KATNB1: variants seen among roughly 807,000 people sequenced by gnomAD.
The protein encoded by KATNB1 is katanin p80 WD40 repeat-containing subunit B1.
In KATNB1, 38 loss-of-function variants were observed where a neutral mutation model predicts 82.3. That is an observed-to-expected ratio of 0.46 (90% CI 0.36 to 0.61). KATNB1 has a LOEUF of 0.61. KATNB1 is among the 20% of genes least tolerant of loss of function. The pLI is 0.00. For synonymous variants in KATNB1, 361 were observed against 368.7 expected, an observed-to-expected ratio of 0.98 and a Z score of 0.24; for missense variants, 749 against 915.7, an observed-to-expected ratio of 0.82 and a Z score of 2.35.
intron 2 of KATNB1, among the ~76,000 whole-genome samples, chr16:57,739,777 T>C (rs2049128963): frequency 6.6e-6 from 1 of 152,198 alleles, no homozygotes; most frequent in East Asian, 1.9e-4. Context: ...GCCAGCTCAG[T>C]GTCCCGCCCC....
rs1555580705 is a variant in KATNB1, at chr16:57,744,454, A to G, written c.232A>G (p.Ile78Val). The part of the protein sequence containing the change: ...SVRLNTPEEL[I>V]VAGSQSGSIR... ...CCGCCTCAACACCCCCGAGGAGCTC[A>G]TCGTGGCCGGCTCTCAGTCGGGCTC... The change falls in exon 4 of 20, where the codon ATC (isoleucine) becomes GTC (valine). Residue 78 changes from isoleucine (I) to valine (V), a missense_variant. Ile to Val is a conservative substitution (Grantham distance 29). Around this residue, in one of 3 missense-constraint regions of KATNB1, gnomAD observed 247 missense variants for 349.4 expected, o/e 0.71. Transcript: ENST00000379661. 6.2e-7 allele frequency: 1 copy of G among 1,613,538 alleles called. No individual in the cohort carries two copies. The highest frequency in any genetic ancestry group is 1.1e-5 in the South Asian group (1 of 91,078).
At position 57,755,006 on chromosome 16, in the gene KATNB1, A is replaced by G; in HGVS notation, c.1296+9A>G. 6 of 1,613,974 alleles carry G rather than the reference A, an allele frequency of 3.7e-6. No individual in the cohort carries two copies. The highest frequency in any genetic ancestry group is 1.3e-5 in the African/African-American group (1 of 75,050). Reference sequence around the variant, plus strand: ...AGTTCCCGGTGCCAAATGTATGTCCATGGAGGGAGCATGGTGTGGGGCCTA... The same window carrying G: ...AGTTCCCGGTGCCAAATGTATGTCCGTGGAGGGAGCATGGTGTGGGGCCTA... On this transcript the variant is annotated intron_variant, in intron 14 of 19. Transcript: ENST00000379661.
At chr16:57,739,072 T>C (rs1353546877) in intron 2 of KATNB1, among the ~76,000 whole-genome samples, 1 of 152,180 alleles carries the variant, frequency 6.6e-6, no homozygotes, top group Non-Finnish European at 1.5e-5. Flanking sequence ...CCATGGGCAG[T>C]GGCACAGCAG....
At chr16:57,756,591 G>A in intron 19 of KATNB1, 119 bp downstream of exon 19, 4 of 1,183,260 alleles carry the variant, frequency 3.4e-6, no homozygotes, top group East Asian at 2.4e-5. Flanking sequence ...AGGAGGCGTT[G>A]GTCTGGGGCC....
Position 57,756,290 on chromosome 16 carries a change from C to T in KATNB1, c.1719-66C>T, listed in dbSNP as rs894311000. 6.3e-6 allele frequency: 9 copies of T among 1,423,062 alleles called. No individual in the cohort carries two copies. In the African/African-American group the frequency reaches 8.4e-5, roughly 13 times the overall value. 88.2% of individuals were successfully genotyped at this position (1,423,062 alleles called of 1,614,324 possible). A position where few individuals can be genotyped will look rare whatever the true frequency, so the allele number is the denominator to read the frequency against. Reference sequence around the variant, plus strand: ...TTTCTGCCCCTCTCCTCCTTTGTTCCTTGCTGTTTCTCTTTCTGTCTGTGG... The same window carrying T: ...TTTCTGCCCCTCTCCTCCTTTGTTCTTTGCTGTTTCTCTTTCTGTCTGTGG... On this transcript the variant is annotated intron_variant, in intron 18 of 19. Transcript: ENST00000379661.
chr16:57,737,190 A>G lies in KATNB1; in HGVS notation c.-54A>G. ...GGGGGGGATCCACCCCCACCCCACGAGGAAAGCACAGTTTATTTTGTGGGT... is the reference window on the plus strand; with the variant it reads ...GGGGGGGATCCACCCCCACCCCACGGGGAAAGCACAGTTTATTTTGTGGGT... On this transcript the variant is annotated 5_prime_UTR_variant, in exon 2 of 20. Transcript: ENST00000379661. 6.2e-7 allele frequency: 1 copy of G among 1,609,876 alleles called. No individual in the cohort carries two copies. The highest frequency in any genetic ancestry group is 8.5e-7 in the Non-Finnish European group (1 of 1,177,262).
At chr16:57,741,461 G>T (rs561654835) in intron 2 of KATNB1, among the ~76,000 whole-genome samples, 1 of 152,340 alleles carries the variant, frequency 6.6e-6, no homozygotes, top group South Asian at 2.1e-4. Context: ...AGGTAGGAAA[G>T]ACAGGCATGA....
chr16:57,740,496 C>T (rs1404884278), intron 2 of KATNB1, among the ~76,000 whole-genome samples: 4 of 152,236 alleles, frequency 2.6e-5, no homozygotes, highest in Non-Finnish European at 5.9e-5. Context: ...TGTGGAGCGC[C>T]GTGGCTCCAA....
At chr16:57,742,161 T>G (rs1376639380) in intron 3 of KATNB1, among the ~76,000 whole-genome samples, 1 of 152,260 alleles carries the variant, frequency 6.6e-6, no homozygotes, top group East Asian at 1.9e-4. Flanking sequence ...AAAAGACTTG[T>G]ACCCCTCCCC....
rs782753780 is a variant in KATNB1 at position 57,756,337 on chromosome 16, C to T, written c.1719-19C>T. 6.2e-7 allele frequency: 1 copy of T among 1,603,282 alleles called. No individual in the cohort carries two copies. Among genetic ancestry groups the T allele is most frequent in the Non-Finnish European group, 8.5e-7 (1 of 1,172,370 alleles). Reference sequence around the variant, plus strand: ...GTGGCCCTTGGTCCATCTGTGACTTCATCCATCTCCCCCTAAAGCTACGTC... The same window carrying T: ...GTGGCCCTTGGTCCATCTGTGACTTTATCCATCTCCCCCTAAAGCTACGTC... On this transcript the variant is annotated intron_variant, in intron 18 of 19. Transcript: ENST00000379661.
chr16:57,756,818 C>G lies in KATNB1; in HGVS notation c.1840C>G (p.His614Asp), dbSNP rs1411932825. ...GVDISREERL[H>D]KCRLCYKQLK... Reference sequence around the variant, plus strand: ...CAGGCACTGCCCTCTCTACAGGCTGCATAAGTGCCGGCTCTGCTACAAGCA... The same window carrying G: ...CAGGCACTGCCCTCTCTACAGGCTGGATAAGTGCCGGCTCTGCTACAAGCA... Residue 614 changes from histidine to aspartate, a missense_variant, in exon 20 of 20, where the codon CAT (histidine) becomes GAT (aspartate). His to Asp is a moderately conservative substitution (Grantham distance 81, BLOSUM62 -1). Coordinates refer to ENST00000379661, the MANE Select transcript of KATNB1 (RefSeq NM_005886.3). 13 of 1,569,128 alleles carry G rather than the reference C, an allele frequency of 8.3e-6. No homozygotes were observed. In the African/African-American group the frequency reaches 1.1e-4, roughly 13 times the overall value.
In KATNB1 at chr16:57,749,256, A is replaced by G. The variant is rs140504592; in HGVS notation, c.290-1571A>G. Among the ~76,000 whole-genome samples the G allele has an allele frequency of 3.3e-5, 5 of 152,364 alleles. No homozygotes were observed. In the East Asian group the frequency reaches 9.6e-4, roughly 29 times the overall value. On this transcript the variant is annotated intron_variant, in intron 4 of 19. Coordinates refer to ENST00000379661, the MANE Select transcript of KATNB1 (RefSeq NM_005886.3). ...CATTTATTGAGCACTTACCATGTGC[A>G]GAGCCCGTGCTAAGCACTTTATGTA...
intron 12 of KATNB1, 38 bp from the exon 13 acceptor site, chr16:57,753,907 C>T (rs2049252069): frequency 6.2e-7 from 1 of 1,609,878 alleles, no homozygotes; most frequent in African/African-American, 1.3e-5. Context: ...GTGGCCTGGC[C>T]AGGAGCGCTC....
intron 4 of KATNB1, among the ~76,000 whole-genome samples, chr16:57,748,830 A>G (rs1414301813): frequency 2.0e-5 from 3 of 152,256 alleles, no homozygotes; most frequent in African/African-American, 4.8e-5. Context: ...CAGCCCACAC[A>G]GGGTGGGACT....
intron 13 of KATNB1, 96 bp downstream of exon 13, chr16:57,754,091 AC>A: frequency 9.5e-7 from 1 of 1,057,610 alleles, no homozygotes; most frequent in Admixed American, 2.0e-5. Context: ...CCTTCCCAGG[AC>A]CCTCCCCTCT....
At chr16:57,753,618 A>G in intron 12 of KATNB1, 99 bp downstream of exon 12, 3 of 1,470,188 alleles carry the variant, frequency 2.0e-6, no homozygotes, top group South Asian at 2.5e-5. Context: ...CATCCCTTTA[A>G]CTTCCTCCTA....
chr16:57,750,795 T>G, intron 4 of KATNB1, 32 bp from the exon 5 acceptor site: 1 of 1,574,788 alleles, frequency 6.4e-7, no homozygotes. Context: ...CATTTGCCTC[T>G]TAGCCACTGT....
In KATNB1 at chr16:57,756,436, C is replaced by T. The variant is rs2049282660; in HGVS notation, c.1799C>T (p.Pro600Leu). 1.2e-6 allele frequency: 2 copies of T among 1,613,866 alleles called. No homozygotes were observed. The highest frequency in any genetic ancestry group is 1.7e-6 in the Non-Finnish European group (2 of 1,180,022). The change falls in exon 19 of 20, where the codon CCA becomes CTA. Residue 600 changes from proline to leucine, a missense_variant. By Grantham distance (98) the Pro-to-Leu change is moderately conservative. Transcript: ENST00000379661. ...LPLITDMLAAPPSVGVDISRE... is the reference protein window; with the variant it reads ...LPLITDMLAALPSVGVDISRE... Reference sequence around the variant, plus strand: ...CTCATCACAGACATGCTGGCGGCCCCACCCTCTGTGGGTGTGGATATCAGC... The same window carrying T: ...CTCATCACAGACATGCTGGCGGCCCTACCCTCTGTGGGTGTGGATATCAGC...
At chr16:57,753,336 C>T (rs1452652638) in intron 11 of KATNB1, 53 bp from the exon 12 acceptor site, 1 of 1,587,302 alleles carries the variant, frequency 6.3e-7, no homozygotes, top group Non-Finnish European at 8.6e-7. Flanking sequence ...GGAGTTCCAG[C>T]CCTGGGCCTC....
Sources: gnomAD v4.1 joint callset for allele counts (sites outside exome capture counted in the v4.1 genomes callset) on GRCh38, gnomAD v4.1.1 for gene constraint, gnomAD v4.1.1 regional missense constraint, MANE v1.5 for transcripts, NCBI Gene and HGNC (gene_info 2026-07-23, HGNC 2026-07-21) for gene names.